PINLYP: variants seen among roughly 807,000 people sequenced by gnomAD.
PINLYP encodes phospholipase A2 inhibitor and LY6/PLAUR domain containing, also known as phospholipase A2 inhibitor and Ly6/PLAUR domain-containing protein.
PINLYP carries 12 observed loss-of-function variants against 15.8 expected under a neutral mutation model. The observed-to-expected ratio is 0.76, with a 90% CI of 0.49 to 1.23. PINLYP has a LOEUF of 1.23. PINLYP is among the 50% of genes most tolerant of loss of function. The pLI, the probability that PINLYP is intolerant of heterozygous loss-of-function variation, is 0.00. For missense variants in PINLYP, 278 were observed against 264.2 expected, an observed-to-expected ratio of 1.05 and a Z score of -0.36; for synonymous variants, 93 against 97.7, an observed-to-expected ratio of 0.95 and a Z score of 0.28.
intron 3 of PINLYP, chr19:43,578,982 C>T: frequency 3.0e-6 from 1 of 335,032 alleles, no homozygotes; most frequent in South Asian, 2.8e-5. Flanking sequence ...CTTTCTTAGG[C>T]AGAAGAGGGG....
chr19:43,578,534 T>C (rs1420196262), intron 2 of PINLYP, 56 bp from the exon 3 acceptor site: 2 of 1,321,588 alleles, frequency 1.5e-6, no homozygotes, highest in Non-Finnish European at 2.1e-6. Flanking sequence ...GTCAAAGTCG[T>C]GGTCCGAAGA....
chr19:43,578,113 T>C (rs1188825347), intron 2 of PINLYP, among the ~76,000 whole-genome samples: 5 of 151,990 alleles, frequency 3.3e-5, no homozygotes, highest in Admixed American at 2.6e-4. Flanking sequence ...TCCTCTGCCC[T>C]CCTGGTCCTC....
At chr19:43,579,645 T>A (rs1185666517) in intron 3 of PINLYP, among the ~76,000 whole-genome samples, 1 of 142,426 alleles carries the variant, frequency 7.0e-6, no homozygotes, top group East Asian at 2.4e-4. Context: ...ACGCCTGTAA[T>A]CCCAGCACTT....
intron 1 of PINLYP, 31 bp from the exon 2 acceptor site, chr19:43,577,084 G>A: frequency 6.5e-7 from 1 of 1,531,266 alleles, no homozygotes; most frequent in Non-Finnish European, 8.7e-7. Flanking sequence ...GGACTGCCCT[G>A]GGTTCTGACC....
At chr19:43,581,979 T>C in exon 6 of PINLYP, 3 of 1,536,286 alleles carry the variant, frequency 2.0e-6, no homozygotes, top group Non-Finnish European at 2.6e-6. Context: ...CTCCATCATA[T>C]AGAGTGCACT....
intron 3 of PINLYP, 100 bp from the exon 4 acceptor site, chr19:43,581,112 G>A: frequency 8.0e-7 from 1 of 1,253,796 alleles, no homozygotes; most frequent in East Asian, 2.6e-5. Context: ...CCAGGAAGTT[G>A]TGGGGTTGGG....
rs1244968114 is a variant in PINLYP, at chr19:43,581,631, T to G, written c.409T>G (p.Cys137Gly). 2.6e-6 allele frequency: 4 copies of G among 1,536,432 alleles called. No homozygotes were observed. Among genetic ancestry groups the G allele is most frequent in the Non-Finnish European group, 3.5e-6 (4 of 1,147,004 alleles). ...CTGCACTGCGAGCTTCAGGGACAAA[T>G]GCATGGGGCCCATGACCCACTGTAC... Residue 137 changes from cysteine (C) to glycine (G), a missense_variant, in exon 5 of 6, where the codon TGC becomes GGC. Coordinates refer to ENST00000599207, the Ensembl canonical transcript of PINLYP.
At chr19:43,576,371 G>C (rs1487455120) in exon 1 of PINLYP, among the ~76,000 whole-genome samples, 1 of 151,332 alleles carries the variant, frequency 6.6e-6, no homozygotes, top group Non-Finnish European at 1.5e-5. Context: ...ACGCGCGCGC[G>C]CACGCGCGAA....
chr19:43,580,587 A>T, intron 3 of PINLYP: 1 of 963,578 alleles, frequency 1.0e-6, no homozygotes, highest in Non-Finnish European at 1.2e-6. Context: ...CCTGAAATAG[A>T]GTAATCCCGG....
rs1568522157 is a variant in PINLYP at position 43,578,607 on chromosome 19, GA to G, written c.91del (p.Ile31TyrfsTer13). ...CACTGCAGGGTGCCCACTACACTGC[GA>G]AATATGTACGGCGGCGGGGAGCAGG... On this transcript the variant is annotated frameshift_variant, in exon 3 of 6. Transcript: ENST00000599207. LOFTEE classifies it high-confidence loss of function. The G allele has an allele frequency of 9.1e-6, 14 of 1,535,908 alleles. No individual in the cohort carries two copies. The highest frequency in any genetic ancestry group is 1.2e-5 in the Non-Finnish European group (14 of 1,146,780).
At chr19:43,577,726 A>G (rs1972883647) in intron 2 of PINLYP, among the ~76,000 whole-genome samples, 1 of 149,814 alleles carries the variant, frequency 6.7e-6, no homozygotes, top group Non-Finnish European at 1.5e-5. Context: ...AACATGGTGA[A>G]ACCCCGTCTT....
At chr19:43,575,601 C>CGCGCCG, upstream of PINLYP, 2 of 771,480 alleles carry the variant, frequency 2.6e-6, no homozygotes, top group Non-Finnish European at 3.9e-6. Flanking sequence ...CAAACCCCGG[C>CGCGCCG]GCGCCGGCGC....
chr19:43,580,806 A>G, intron 3 of PINLYP: 1 of 675,512 alleles, frequency 1.5e-6, no homozygotes, highest in Non-Finnish European at 1.9e-6. Flanking sequence ...GGCTTGAAAG[A>G]GACCGCCCCG....
upstream of PINLYP, chr19:43,575,616 G>A (rs958537107): frequency 1.3e-5 from 8 of 614,302 alleles, no homozygotes; most frequent in Admixed American, 3.4e-5. Context: ...CGGCGCCGGC[G>A]TCGACACTGC....
chr19:43,581,677 T>A, exon 5 of PINLYP: 3 of 1,536,346 alleles, frequency 2.0e-6, no homozygotes, highest in Non-Finnish European at 1.7e-6. Context: ...AACCACTGCG[T>A]CTCCTTATCT....
chr19:43,581,821 A>C, intron 5 of PINLYP, 47 bp from the exon 6 acceptor site: 1 of 1,535,578 alleles, frequency 6.5e-7, no homozygotes, highest in Non-Finnish European at 8.7e-7. Flanking sequence ...GATTATGAGG[A>C]AGAAGGGGCT....
chr19:43,578,735 G>T, intron 3 of PINLYP, 29 bp downstream of exon 3: 2 of 1,503,686 alleles, frequency 1.3e-6, no homozygotes, highest in African/African-American at 1.4e-5. Context: ...GGACCTGGTG[G>T]GGAGGTGGGG....
At position 43,581,085 on chromosome 19, in the gene PINLYP, AAAAG is replaced by A. The variant is rs1384249880; in HGVS notation, c.188-121_188-118del. ...AAAAAAAATAAGAAAAGAAAGAAAAAAAAGAAAGAGACCATCCCAGGAAGTTGTG... is the reference window on the plus strand; with the variant it reads ...AAAAAAAATAAGAAAAGAAAGAAAAAAAAGAGACCATCCCAGGAAGTTGTG... On this transcript the variant is annotated intron_variant, in intron 3 of 5. Transcript: ENST00000599207. 4.5e-6 allele frequency: 5 copies of A among 1,109,012 alleles called. No homozygotes were observed. In the Admixed American group the frequency reaches 9.0e-5, roughly 20 times the overall value. 68.7% of individuals were successfully genotyped at this position (1,109,012 alleles called of 1,614,324 possible).
intron 4 of PINLYP, 81 bp downstream of exon 4, chr19:43,581,445 T>G: frequency 1.3e-6 from 2 of 1,518,802 alleles, no homozygotes; most frequent in South Asian, 2.5e-5. Context: ...CTGAGCCTGT[T>G]TCCTTACCTG....
Sources: gnomAD v4.1 joint callset for allele counts (sites outside exome capture counted in the v4.1 genomes callset) on GRCh38, gnomAD v4.1.1 for gene constraint, MANE v1.5 for transcripts, NCBI Gene and HGNC (gene_info 2026-07-23, HGNC 2026-07-21) for gene names.